Variants in PPID observed in about 807,000 individuals in gnomAD.
PPID encodes the protein peptidyl-prolyl cis-trans isomerase D.
Under a neutral mutation model 48.1 loss-of-function variants are expected in PPID, and 47 were observed. The observed-to-expected ratio is 0.98, with a 90% CI of 0.77 to 1.25. The LOEUF is 1.25. PPID is among the 50% of genes most tolerant of loss of function. The pLI is 0.00. For synonymous variants in PPID, 163 were observed against 148.8 expected (o/e 1.10, Z -0.69); for missense variants, 429 against 443.5 (o/e 0.97, Z 0.29).
chr4:158,714,981 C>A (rs774744777), intron 6 of PPID, among the ~76,000 whole-genome samples: 4 of 152,144 alleles, frequency 2.6e-5, no homozygotes, highest in Non-Finnish European at 5.9e-5. Flanking sequence ...TTAGGAAATA[C>A]GTGCTGAAAT....
chr4:158,720,445 ATACT>A (rs1348806440), intron 2 of PPID, among the ~76,000 whole-genome samples: 4 of 152,364 alleles, frequency 2.6e-5, no homozygotes, highest in African/African-American at 7.2e-5. Context: ...TATTAAACAA[ATACT>A]TACTGAGTTC....
chr4:158,717,795 C>T (rs1032884543), intron 3 of PPID, among the ~76,000 whole-genome samples: 3 of 152,202 alleles, frequency 2.0e-5, no homozygotes, highest in African/African-American at 7.2e-5. Flanking sequence ...AGATGAATCA[C>T]CTCTTCGGAG....
intron 2 of PPID, among the ~76,000 whole-genome samples, chr4:158,720,151 T>C (rs1425767546): frequency 6.6e-6 from 1 of 152,216 alleles, no homozygotes; most frequent in East Asian, 1.9e-4. Flanking sequence ...TTCATGTTTG[T>C]ACAAATAGGC....
chr4:158,712,710 T>C lies in PPID; in HGVS notation c.894+409A>G, dbSNP rs535756341. Among the ~76,000 whole-genome samples, 12 of 152,204 alleles carry C rather than the reference T, an allele frequency of 7.9e-5. No individual in the cohort carries two copies. The East Asian group carries it at 2.1e-3, about 27-fold the overall frequency. On this transcript the variant is annotated intron_variant, in intron 7 of 9. Transcript: ENST00000307720. ...AGGCAGAGGTTGCAGTAAGCCGAGA[T>C]TGCGCCACTGCACTCCAGCCTGGGC...
chr4:158,710,907 T>G, intron 7 of PPID, 59 bp from the exon 8 acceptor site: 1 of 1,431,950 alleles, frequency 7.0e-7, no homozygotes, highest in South Asian at 1.2e-5. Flanking sequence ...ATGCCAGATT[T>G]CAATTCATTG....
At chr4:158,716,105 T>A (rs1315460577) in intron 4 of PPID, among the ~76,000 whole-genome samples, 3 of 151,994 alleles carry the variant, frequency 2.0e-5, no homozygotes, top group Admixed American at 1.3e-4. Flanking sequence ...CTTTTTTTTT[T>A]AATAGAGACA....
At chr4:158,715,076 G>A (rs953132412) in intron 6 of PPID, among the ~76,000 whole-genome samples, 2 of 152,098 alleles carry the variant, frequency 1.3e-5, no homozygotes, top group Admixed American at 6.6e-5. Flanking sequence ...AAAAATTGGT[G>A]AATGTAAGTA....
At chr4:158,718,639 T>G (rs1774908492) in intron 3 of PPID, among the ~76,000 whole-genome samples, 1 of 152,196 alleles carries the variant, frequency 6.6e-6, no homozygotes, top group Non-Finnish European at 1.5e-5. Flanking sequence ...TATTCCTTAT[T>G]TCCAAAAATA....
Position 158,715,406 on chromosome 4 carries a change from G to A in PPID, c.646-3C>T, listed in dbSNP as rs1774854810. 1.3e-6 allele frequency: 2 copies of A among 1,496,194 alleles called. No individual in the cohort carries two copies. The highest frequency in any genetic ancestry group is 1.8e-6 in the Non-Finnish European group (2 of 1,115,910). 92.7% of individuals were successfully genotyped at this position (1,496,194 alleles called of 1,614,324 possible). ...GTTATTAATAAAATTTTATCTACCT[G>A]TATAAAAAAATACAAATATGTTGGA... On this transcript the variant is annotated splice_region_variant and splice_polypyrimidine_tract_variant and intron_variant, in intron 5 of 9. Coordinates refer to ENST00000307720, the MANE Select transcript of PPID (RefSeq NM_005038.3).
chr4:158,710,958 T>C (rs1774781154), intron 7 of PPID, 110 bp from the exon 8 acceptor site: 3 of 1,003,640 alleles, frequency 3.0e-6, no homozygotes, highest in South Asian at 3.0e-5. Flanking sequence ...TCTGTGAAAA[T>C]GGAGCTGAAA....
At position 158,723,252 on chromosome 4, in the gene PPID, G is replaced by C; in HGVS notation, c.37C>G (p.Pro13Ala). 6.2e-7 allele frequency: 1 copy of C among 1,614,066 alleles called. No homozygotes were observed. Among genetic ancestry groups the C allele is most frequent in the Non-Finnish European group, 8.5e-7 (1 of 1,180,012 alleles). ...TCAAAGAAGACTCGAGGGTTACTGGGGTTGGAGGGCTTGGCTTGGGGGGAC... is the reference window on the plus strand; with the variant it reads ...TCAAAGAAGACTCGAGGGTTACTGGCGTTGGAGGGCTTGGCTTGGGGGGAC... ...HPSPQAKPSN[P>A]SNPRVFFDVD... Residue 13 changes from proline to alanine, a missense_variant, in exon 1 of 10, where the codon CCC (proline) becomes GCC (alanine). Pro to Ala is a conservative substitution (Grantham distance 27, BLOSUM62 -1). Coordinates refer to ENST00000307720, the MANE Select transcript of PPID (RefSeq NM_005038.3).
chr4:158,723,077 A>C, intron 1 of PPID, 127 bp downstream of exon 1: 1 of 928,232 alleles, frequency 1.1e-6, no homozygotes. Context: ...GGACCAGCCT[A>C]GGCAGCCATC....
chr4:158,711,087 A>G (rs1774782867), intron 7 of PPID, among the ~76,000 whole-genome samples: 1 of 152,212 alleles, frequency 6.6e-6, no homozygotes, highest in Non-Finnish European at 1.5e-5. Flanking sequence ...TGTGGTTTCA[A>G]TCTCCCGAAT....
chr4:158,723,275 G>A lies in PPID; in HGVS notation c.14C>T (p.Ser5Phe). The A allele has an allele frequency of 1.9e-6, 3 of 1,613,924 alleles. No homozygotes were observed. The highest frequency in any genetic ancestry group is 1.1e-5 in the South Asian group (1 of 91,082). ...GGGGTTGGAGGGCTTGGCTTGGGGG[G>A]ACGGGTGCGACATCTTGACTTGCAG... MSHP[S>F]PQAKPSNPSN... The change falls in exon 1 of 10, where the codon TCC becomes TTC. Residue 5 changes from serine (S) to phenylalanine (F), a missense_variant. By Grantham distance (155) the Ser-to-Phe change is radical. Coordinates refer to ENST00000307720, the MANE Select transcript of PPID (RefSeq NM_005038.3).
intron 4 of PPID, among the ~76,000 whole-genome samples, chr4:158,715,986 A>C (rs1774865305): frequency 6.6e-6 from 1 of 152,200 alleles, no homozygotes; most frequent in Admixed American, 6.5e-5. Context: ...CTTGTCATAC[A>C]CTGAGTGACA....
At chr4:158,713,048 T>C in intron 7 of PPID, 71 bp downstream of exon 7, 1 of 1,491,256 alleles carries the variant, frequency 6.7e-7, no homozygotes, top group Non-Finnish European at 9.3e-7. Context: ...TTAATGTATA[T>C]AAAAGTTGCT....
chr4:158,716,974 A>G (rs772637978), intron 4 of PPID, 38 bp downstream of exon 4: 1 of 1,571,544 alleles, frequency 6.4e-7, no homozygotes, highest in Non-Finnish European at 8.7e-7. Context: ...GATAGCAACT[A>G]AGATAATAAG....
intron 3 of PPID, among the ~76,000 whole-genome samples, chr4:158,717,828 A>G (rs17843918): frequency 0.015 from 2,233 of 152,356 alleles, 51 homozygotes; most frequent in African/African-American, 0.049. Context: ...AAACTGCTGC[A>G]TACATCTTGA....
chr4:158,712,326 T>C (rs1774801691), intron 7 of PPID, among the ~76,000 whole-genome samples: 1 of 152,180 alleles, frequency 6.6e-6, no homozygotes, highest in South Asian at 2.1e-4. Flanking sequence ...TGAACCTAAA[T>C]TGAAACTGAC....
Sources: gnomAD v4.1 joint callset for allele counts (sites outside exome capture counted in the v4.1 genomes callset) on GRCh38, gnomAD v4.1.1 for gene constraint, MANE v1.5 for transcripts, NCBI Gene and HGNC (gene_info 2026-07-23, HGNC 2026-07-21) for gene names.